The following PLCB4 variants were observed in gnomAD, a reference collection of about 807,000 sequenced individuals.
PLCB4 encodes 1-phosphatidylinositol 4,5-bisphosphate phosphodiesterase beta-4.
Under a neutral mutation model 178.8 loss-of-function variants are expected in PLCB4, and 77 were observed. That is an observed-to-expected ratio of 0.43 (90% CI 0.36 to 0.52). The LOEUF is 0.52. Among genes scored for constraint, PLCB4 ranks in the 20% least tolerant of loss-of-function variants. The probability of loss-of-function intolerance (pLI) is 0.00; values close to 1 mark genes in which losing one functional copy is unlikely to be tolerated. For synonymous variants in PLCB4, 496 were observed against 490.8 expected (o/e 1.01, Z -0.14); for missense variants, 1,024 against 1,453.4 (o/e 0.70, Z 4.80).
At chr20:9,268,319 C>A (rs1250762796) in intron 3 of PLCB4, among the ~76,000 whole-genome samples, 1 of 152,164 alleles carries the variant, frequency 6.6e-6, no homozygotes, top group Admixed American at 6.5e-5. Flanking sequence ...TTCTGTTTCT[C>A]TGCCATGTCT....
intron 28 of PLCB4, 57 bp from the exon 29 acceptor site, chr20:9,435,503 T>C (rs538011709): frequency 2.2e-5 from 22 of 991,234 alleles, no homozygotes; most frequent in South Asian, 2.0e-4. Flanking sequence ...AGAGTTTTAA[T>C]GAATATTTTC....
chr20:9,288,835 C>T (rs1396567503), intron 3 of PLCB4, among the ~76,000 whole-genome samples: 2 of 152,034 alleles, frequency 1.3e-5, no homozygotes. Context: ...TTGAACAGAA[C>T]ATATATGCTA....
intron 3 of PLCB4, among the ~76,000 whole-genome samples, chr20:9,277,179 A>G (rs1424707495): frequency 6.6e-6 from 1 of 151,992 alleles, no homozygotes; most frequent in African/African-American, 2.4e-5. Flanking sequence ...TAACCACTGG[A>G]GTAAAATTTC....
intron 3 of PLCB4, among the ~76,000 whole-genome samples, chr20:9,251,279 G>A (rs980247358): frequency 4.6e-5 from 7 of 152,120 alleles, no homozygotes; most frequent in African/African-American, 1.2e-4. Flanking sequence ...TCCTCATATC[G>A]GCTGCATAGA....
intron 2 of PLCB4, among the ~76,000 whole-genome samples, chr20:9,139,592 A>G (rs927901037): frequency 6.6e-6 from 1 of 152,106 alleles, no homozygotes; most frequent in Non-Finnish European, 1.5e-5. Flanking sequence ...TCAAGGGCTC[A>G]GAAGTCCTGG....
intron 3 of PLCB4, among the ~76,000 whole-genome samples, chr20:9,251,562 A>C (rs2094180935): frequency 1.3e-5 from 2 of 152,140 alleles, no homozygotes; most frequent in East Asian, 1.9e-4. Context: ...TCCATACGTT[A>C]TCTCTTCCCC....
chr20:9,237,774 A>G (rs1007002743), intron 3 of PLCB4, among the ~76,000 whole-genome samples: 3 of 152,216 alleles, frequency 2.0e-5, no homozygotes, highest in African/African-American at 7.2e-5. Context: ...TTTCTTTACC[A>G]TGACATTCTC....
chr20:9,143,284 A>C (rs766813102), intron 2 of PLCB4, among the ~76,000 whole-genome samples: 1 of 152,168 alleles, frequency 6.6e-6, no homozygotes, highest in Non-Finnish European at 1.5e-5. Context: ...TGTATCATGC[A>C]TGGACATCTT....
intron 14 of PLCB4, among the ~76,000 whole-genome samples, chr20:9,386,151 G>A (rs111818595): frequency 0.018 from 2,730 of 152,136 alleles, 80 homozygotes; most frequent in African/African-American, 0.06. Context: ...CACTTGGCAG[G>A]CCGAGGCAGG....
intron 3 of PLCB4, among the ~76,000 whole-genome samples, chr20:9,285,104 T>G (rs973733489): frequency 6.7e-6 from 1 of 150,154 alleles, no homozygotes; most frequent in Non-Finnish European, 1.5e-5. Context: ...CAAGGAACTT[T>G]CTGTGTAAGT....
At position 9,395,649 on chromosome 20, in the gene PLCB4, T is replaced by G. The variant is rs569408236; in HGVS notation, c.1510+31T>G. ...CTGTTTGCTTTTATTTTAAGTTACA[T>G]GCTTTGAAAATACTTTTTAAATAAG... On this transcript the variant is annotated intron_variant, in intron 19 of 39. Coordinates refer to ENST00000378473, the MANE Select transcript of PLCB4 (RefSeq NM_001377142.1). 49 of 1,457,970 alleles carry G rather than the reference T, an allele frequency of 3.4e-5. No individual in the cohort carries two copies. In the South Asian group the frequency reaches 5.5e-4, roughly 16 times the overall value. The allele number at this position is 1,457,970 out of a possible 1,614,324, so 90.3% of individuals were successfully genotyped here.
At chr20:9,265,914 G>C (rs979146767) in intron 3 of PLCB4, among the ~76,000 whole-genome samples, 1 of 152,292 alleles carries the variant, frequency 6.6e-6, no homozygotes, top group East Asian at 1.9e-4. Flanking sequence ...CTTGGGAATG[G>C]GTCCCAGCTG....
chr20:9,337,795 G>A (rs1356610255), intron 5 of PLCB4, among the ~76,000 whole-genome samples: 4 of 151,930 alleles, frequency 2.6e-5, no homozygotes, highest in African/African-American at 9.7e-5. Context: ...ATGTCTATAT[G>A]TATGTATATA....
intron 3 of PLCB4, among the ~76,000 whole-genome samples, chr20:9,239,044 G>T (rs1157218483): frequency 1.3e-5 from 2 of 152,160 alleles, no homozygotes; most frequent in Admixed American, 1.3e-4. Flanking sequence ...AATGAATAAA[G>T]ATTTATATAA....
chr20:9,264,699 G>A (rs2094331697), intron 3 of PLCB4, among the ~76,000 whole-genome samples: 1 of 152,172 alleles, frequency 6.6e-6, no homozygotes, highest in Non-Finnish European at 1.5e-5. Flanking sequence ...GAAGTATTTG[G>A]AAATCTTTGA....
Position 9,395,610 on chromosome 20 carries a change from T to C in PLCB4, c.1502T>C (p.Ile501Thr), listed in dbSNP as rs765777275. Reference sequence around the variant, plus strand: ...TTAGAGGACGATAATGAAGAGGAGATCGAAAGTGGTGAGCTGTTTGCTTTT... The same window carrying C: ...TTAGAGGACGATAATGAAGAGGAGACCGAAAGTGGTGAGCTGTTTGCTTTT... Reference protein sequence around the residue: ...NILEDDNEEEIESADQEEEAH... With the variant: ...NILEDDNEEETESADQEEEAH... Residue 501 changes from isoleucine (I) to threonine (T), a missense_variant, in exon 19 of 40, where the codon ATC becomes ACC. Ile to Thr is a moderately conservative substitution (Grantham distance 89). This residue lies in a region of PLCB4 where 263 missense variants were observed against 417.4 expected (regional missense o/e 0.63). Coordinates refer to ENST00000378473, the MANE Select transcript of PLCB4 (RefSeq NM_001377142.1). The C allele has an allele frequency of 9.2e-5, 141 of 1,537,268 alleles. No homozygotes were observed. The highest frequency in any genetic ancestry group is 6.7e-4 in the South Asian group (60 of 89,470).
At chr20:9,242,847 A>G (rs761463772) in intron 3 of PLCB4, among the ~76,000 whole-genome samples, 2 of 152,160 alleles carry the variant, frequency 1.3e-5, no homozygotes, top group Non-Finnish European at 2.9e-5. Flanking sequence ...GGATCTAGGC[A>G]TCTGCGAGTT....
At chr20:9,239,884 A>G (rs1338374422) in intron 3 of PLCB4, among the ~76,000 whole-genome samples, 2 of 152,196 alleles carry the variant, frequency 1.3e-5, no homozygotes, top group Non-Finnish European at 2.9e-5. Flanking sequence ...CTTGGAGTCC[A>G]GTGTTCAAGG....
Position 9,423,759 on chromosome 20 carries a change from G to C in PLCB4, c.2331G>C (p.Pro777=), listed in dbSNP as rs147575829. ...ESFVFRKVIL[P]DLAVLRIAVY... ...TGTTCTGTTTGCAGGTGATCCTGCC[G>C]GACCTGGCTGTCTTGAGAATAGCTG... Residue 777 remains proline (P), a synonymous_variant, in exon 28 of 40, where the codon CCG becomes CCC. Coordinates refer to ENST00000378473, the MANE Select transcript of PLCB4 (RefSeq NM_001377142.1). 6.4e-4 allele frequency: 1,025 copies of C among 1,613,514 alleles called. 4 individuals are homozygous for C. The highest frequency in any genetic ancestry group is 1.3e-3 in the South Asian group (118 of 90,974).
Sources: gnomAD v4.1 joint callset for allele counts (sites outside exome capture counted in the v4.1 genomes callset) on GRCh38, gnomAD v4.1.1 for gene constraint, gnomAD v4.1.1 regional missense constraint, MANE v1.5 for transcripts, NCBI Gene and HGNC (gene_info 2026-07-23, HGNC 2026-07-21) for gene names.